Variants in ARMH4 observed in about 807,000 individuals in gnomAD.
ARMH4 encodes the protein armadillo like helical domain containing 4, also known as armadillo-like helical domain-containing protein 4.
A neutral mutation model predicts 61.9 loss-of-function variants in ARMH4; 49 were observed. That is an observed-to-expected ratio of 0.79 (90% CI 0.63 to 1.00). The LOEUF is 1.00. Among genes scored for constraint, ARMH4 ranks in the 50% least tolerant of loss-of-function variants. The pLI, the probability that ARMH4 is intolerant of heterozygous loss-of-function variation, is 0.00. For missense variants in ARMH4, 934 were observed against 930.0 expected (o/e 1.00, Z -0.06); for synonymous variants, 368 against 341.5 (o/e 1.08, Z -0.85).
chr14:58,057,174 A>G (rs1395814904), intron 5 of ARMH4, among the ~76,000 whole-genome samples: 3 of 152,224 alleles, frequency 2.0e-5, no homozygotes, highest in Non-Finnish European at 4.4e-5. Flanking sequence ...AACCTATGTA[A>G]TATAACTAGA....
At chr14:58,140,790 C>G (rs942511078) in intron 1 of ARMH4, among the ~76,000 whole-genome samples, 15 of 152,032 alleles carry the variant, frequency 9.9e-5, no homozygotes, top group African/African-American at 3.6e-4. Flanking sequence ...GTAATCCCAG[C>G]TCCTTGGGAG....
In ARMH4 at chr14:58,041,417, C is replaced by T. The variant is rs1201893458; in HGVS notation, c.2090-29267G>A. 2.0e-5 allele frequency among the ~76,000 whole-genome samples: 3 copies of T among 152,240 alleles called. No individual in the cohort carries two copies. The East Asian group carries it at 5.8e-4, about 29-fold the overall frequency. On this transcript the variant is annotated intron_variant, in intron 5 of 7. Transcript: ENST00000267485. ...GCTGAGAGATTTTCTCAACACCAGG[C>T]CTGCCCTACAAGAGCTCCTGAAGGG... is the stretch of plus-strand genomic sequence containing the variant.
At chr14:58,022,612 C>T (rs904285638) in intron 5 of ARMH4, among the ~76,000 whole-genome samples, 1 of 152,166 alleles carries the variant, frequency 6.6e-6, no homozygotes, top group African/African-American at 2.4e-5. Flanking sequence ...CCCCACCTCA[C>T]TTCCTCACTC....
chr14:58,099,081 G>A (rs971470339), intron 4 of ARMH4, among the ~76,000 whole-genome samples: 2 of 152,100 alleles, frequency 1.3e-5, no homozygotes, highest in Admixed American at 6.5e-5. Flanking sequence ...GACTGAAAAC[G>A]GGATCTAAAA....
chr14:58,078,681 T>C (rs75081941), intron 5 of ARMH4, among the ~76,000 whole-genome samples: 125 of 152,360 alleles, frequency 8.2e-4, no homozygotes, highest in Non-Finnish European at 1.5e-3. Context: ...ATAAGGTCTC[T>C]TGCAACTAAC....
In ARMH4 at chr14:58,004,598, C is replaced by T. The variant is rs2141121924; in HGVS notation, c.*138G>A. On this transcript the variant is annotated 3_prime_UTR_variant, in exon 8 of 8. Transcript: ENST00000267485. The stretch of plus-strand genomic sequence containing the variant: ...TTCTGCTCAGTACAAGAAAAATCTA[C>T]TACCCAGCACCCAGCAGACACTAGG... 1 of 684,370 alleles carries T rather than the reference C, an allele frequency of 1.5e-6. No individual in the cohort carries two copies. The highest frequency in any genetic ancestry group is 2.6e-6 in the Non-Finnish European group (1 of 390,062). The allele number at this position is 684,370 out of a possible 1,614,324, so 42.4% of individuals were successfully genotyped here.
intron 5 of ARMH4, among the ~76,000 whole-genome samples, chr14:58,089,704 C>G (rs978247102): frequency 2.6e-5 from 4 of 152,166 alleles, no homozygotes; most frequent in Non-Finnish European, 4.4e-5. Flanking sequence ...CAAAGGAAGG[C>G]TCTAATATTG....
intron 5 of ARMH4, among the ~76,000 whole-genome samples, chr14:58,096,485 T>C (rs1282156532): frequency 6.6e-6 from 1 of 152,220 alleles, no homozygotes; most frequent in Non-Finnish European, 1.5e-5. Context: ...GCCTGGCTAC[T>C]TAAGGGCATA....
intron 4 of ARMH4, among the ~76,000 whole-genome samples, chr14:58,100,530 G>A (rs140399355): frequency 6.6e-6 from 1 of 152,270 alleles, no homozygotes; most frequent in East Asian, 1.9e-4. Context: ...GTGTGTGAAG[G>A]AGTAATTATA....
intron 4 of ARMH4, among the ~76,000 whole-genome samples, chr14:58,122,804 T>A (rs1469588026): frequency 1.3e-5 from 2 of 152,178 alleles, no homozygotes; most frequent in Non-Finnish European, 2.9e-5. Flanking sequence ...ATGCCCCTTA[T>A]GTTGAGGGAA....
intron 4 of ARMH4, among the ~76,000 whole-genome samples, chr14:58,106,819 C>T (rs745948328): frequency 4.6e-5 from 7 of 151,974 alleles, no homozygotes; most frequent in Non-Finnish European, 5.9e-5. Context: ...AAAAAACTAC[C>T]TTGGATGCTC....
chr14:58,125,888 C>T (rs1421227170), intron 4 of ARMH4, among the ~76,000 whole-genome samples: 2 of 152,172 alleles, frequency 1.3e-5, no homozygotes, highest in African/African-American at 2.4e-5. Context: ...AAGGTGACCA[C>T]GTCCACCTTT....
At chr14:58,072,729 AAAAG>A (rs1290302432) in intron 5 of ARMH4, among the ~76,000 whole-genome samples, 6 of 152,088 alleles carry the variant, frequency 3.9e-5, no homozygotes, top group Non-Finnish European at 5.9e-5. Context: ...CTAAAAAAAA[AAAAG>A]AATCCTTTTG....
At chr14:58,026,563 T>A (rs1230701948) in intron 5 of ARMH4, among the ~76,000 whole-genome samples, 2 of 152,130 alleles carry the variant, frequency 1.3e-5, no homozygotes, top group Non-Finnish European at 2.9e-5. Flanking sequence ...AACAGAAAGT[T>A]TACTGCTTTC....
At chr14:58,101,760 C>T (rs946982979) in intron 4 of ARMH4, among the ~76,000 whole-genome samples, 3 of 151,960 alleles carry the variant, frequency 2.0e-5, no homozygotes, top group African/African-American at 7.3e-5. Context: ...AGCCCAGACA[C>T]CATGGACATG....
Position 58,096,959 on chromosome 14 carries a change from T to TG in ARMH4, c.1853_1854insC (p.Glu618AspfsTer4). The TG allele has an allele frequency of 6.2e-7, 1 of 1,613,736 alleles. No individual in the cohort carries two copies. Among genetic ancestry groups the TG allele is most frequent in the Non-Finnish European group, 8.5e-7 (1 of 1,179,716 alleles). ...CTTCATCTTCATCTTCTTCATCCTC[T>TG]TCATCCTCATCTTCTTGTCCCTCTA... On this transcript the variant is annotated frameshift_variant, in exon 5 of 8. Coordinates refer to ENST00000267485, the MANE Select transcript of ARMH4 (RefSeq NM_001001872.4). LOFTEE classifies it high-confidence loss of function.
chr14:58,086,354 G>A (rs1358822361), intron 5 of ARMH4, among the ~76,000 whole-genome samples: 3 of 152,122 alleles, frequency 2.0e-5, no homozygotes, highest in Admixed American at 6.6e-5. Context: ...CCAGAAAGCA[G>A]GCTATAGTTA....
intron 5 of ARMH4, among the ~76,000 whole-genome samples, chr14:58,050,960 G>A (rs1057314316): frequency 1.3e-5 from 2 of 151,630 alleles, no homozygotes; most frequent in African/African-American, 4.9e-5. Flanking sequence ...AAATAAAATC[G>A]GATGAAAGAC....
At chr14:58,031,806 T>G (rs1486996091) in intron 5 of ARMH4, among the ~76,000 whole-genome samples, 1 of 152,188 alleles carries the variant, frequency 6.6e-6, no homozygotes. Flanking sequence ...TGCCATTGTT[T>G]CCTATCATAT....
Sources: allele counts gnomAD v4.1 joint callset (sites outside exome capture counted in the v4.1 genomes callset), GRCh38; gene constraint gnomAD v4.1.1; transcripts MANE v1.5; gene names NCBI Gene and HGNC (gene_info 2026-07-23, HGNC 2026-07-21).